The following LRRK1 variants were observed in gnomAD, a reference collection of about 807,000 sequenced individuals.
LRRK1 encodes leucine rich repeat kinase 1.
Under a neutral mutation model 209.1 loss-of-function variants are expected in LRRK1, and 113 were observed. The ratio of observed to expected loss-of-function variants is 0.54; its 90% CI spans 0.46 to 0.63. The LOEUF is 0.63. Among genes scored for constraint, LRRK1 ranks in the 30% least tolerant of loss-of-function variants. LRRK1 has a pLI of 0.00. For missense variants in LRRK1, 2,284 were observed against 2,632.2 expected (o/e 0.87, Z 2.89); for synonymous variants, 1,144 against 1,099.7 (o/e 1.04, Z -0.80).
intron 3 of LRRK1, chr15:100,974,197 G>T (rs2141654172): frequency 2.6e-6 from 1 of 388,256 alleles, no homozygotes; most frequent in East Asian, 3.7e-5. Flanking sequence ...GGCCTTTGAG[G>T]GACGGGGGTG....
chr15:100,921,026 C>T (rs773456807), intron 1 of LRRK1, among the ~76,000 whole-genome samples: 5 of 152,174 alleles, frequency 3.3e-5, no homozygotes, highest in South Asian at 4.1e-4. Context: ...TGAAAACCCA[C>T]GCTCCCTCTC....
At chr15:101,032,145 C>T (rs1236118567) in intron 20 of LRRK1, among the ~76,000 whole-genome samples, 4 of 152,150 alleles carry the variant, frequency 2.6e-5, no homozygotes, top group Admixed American at 6.5e-5. Flanking sequence ...CTAATGAGGT[C>T]TAGCACCTTT....
intron 12 of LRRK1, among the ~76,000 whole-genome samples, chr15:101,018,061 A>AT (rs532685445): frequency 3.3e-4 from 50 of 152,298 alleles, no homozygotes; most frequent in African/African-American, 1.2e-3. Flanking sequence ...TTCAGTGGGA[A>AT]GCATCATAAA....
chr15:101,062,373 C>T, intron 30 of LRRK1: 1 of 499,626 alleles, frequency 2.0e-6, no homozygotes, highest in Non-Finnish European at 3.6e-6. Context: ...TTTCTGTTTC[C>T]TCTTTAGACT....
chr15:101,075,046 A>C lies in LRRK1; in HGVS notation c.*6198A>C. On this transcript the variant is annotated 3_prime_UTR_variant, in exon 34 of 34. Transcript: ENST00000388948. ...CCCGATCACCTCGGAAGCCCCCTAG[A>C]CCATCACGGACGCCGAGCTGCCAGT... The C allele has an allele frequency of 1.1e-5, 1 of 93,488 alleles. No homozygotes were observed. The highest frequency in any genetic ancestry group is 2.4e-5 in the Non-Finnish European group (1 of 41,868). The allele number at this position is 93,488 out of a possible 1,614,324, so 5.8% of individuals were successfully genotyped here. A position where few individuals can be genotyped will look rare whatever the true frequency, so the allele number is the denominator to read the frequency against.
intron 19 of LRRK1, among the ~76,000 whole-genome samples, chr15:101,028,224 A>C (rs1006600259): frequency 7.2e-5 from 11 of 152,210 alleles, no homozygotes; most frequent in African/African-American, 1.4e-4. Context: ...TGGTCACCAC[A>C]TACTCACCAG....
chr15:101,053,158 T>C, intron 25 of LRRK1, 65 bp from the exon 26 acceptor site: 1 of 1,591,888 alleles, frequency 6.3e-7, no homozygotes, highest in Non-Finnish European at 8.5e-7. Context: ...CTGTGCGGCC[T>C]TAGAGAGGCC....
chr15:101,012,903 G>GA (rs1007014823), intron 10 of LRRK1, among the ~76,000 whole-genome samples: 1 of 152,052 alleles, frequency 6.6e-6, no homozygotes. Context: ...GTGCCCCCGG[G>GA]GGGGGGTGGT....
At chr15:100,963,304 C>CGAGCCCCTTATTCTGA (rs1178885957) in intron 2 of LRRK1, among the ~76,000 whole-genome samples, 3 of 152,172 alleles carry the variant, frequency 2.0e-5, no homozygotes, top group Non-Finnish European at 4.4e-5. Flanking sequence ...TCTGAAGCAC[C>CGAGCCCCTTATTCTGA]AGCAGGTATT....
intron 3 of LRRK1, among the ~76,000 whole-genome samples, chr15:100,974,435 GGTT>G (rs1484633349): frequency 4.1e-5 from 2 of 48,982 alleles, no homozygotes; most frequent in Admixed American, 2.3e-4. Flanking sequence ...GAGCATACAT[GGTT>G]GTTGTTGTTG....
In LRRK1 at chr15:100,938,507, A is replaced by G. The variant is rs552495295; in HGVS notation, c.97+13778A>G. On this transcript the variant is annotated intron_variant, in intron 2 of 33. Coordinates refer to ENST00000388948, the MANE Select transcript of LRRK1 (RefSeq NM_024652.6). ...CTATTGTTAACTCGATTCCCCCTCC[A>G]GTGCTCTGGTGCACTGGAACTTACT... is the stretch of plus-strand genomic sequence containing the variant. Among the ~76,000 whole-genome samples, 9 of 152,150 alleles carry G rather than the reference A, an allele frequency of 5.9e-5. No individual in the cohort carries two copies. The East Asian group carries it at 1.7e-3, about 29-fold the overall frequency.
At chr15:100,955,930 G>A (rs760966701) in intron 2 of LRRK1, among the ~76,000 whole-genome samples, 2 of 152,134 alleles carry the variant, frequency 1.3e-5, no homozygotes, top group East Asian at 1.9e-4. Context: ...GTTCAGCAGG[G>A]ATATTGGTCT....
At chr15:100,931,868 A>G (rs2042218634) in intron 2 of LRRK1, among the ~76,000 whole-genome samples, 1 of 152,228 alleles carries the variant, frequency 6.6e-6, no homozygotes, top group South Asian at 2.1e-4. Flanking sequence ...AGTTATTTAT[A>G]TGGAATTCCA....
At chr15:100,955,967 T>C (rs1401181971) in intron 2 of LRRK1, among the ~76,000 whole-genome samples, 1 of 152,202 alleles carries the variant, frequency 6.6e-6, no homozygotes, top group African/African-American at 2.4e-5. Context: ...ATGGTGTTTT[T>C]ATCTGGCTGT....
At chr15:101,042,971 T>A (rs1484384688) in intron 20 of LRRK1, among the ~76,000 whole-genome samples, 3 of 152,210 alleles carry the variant, frequency 2.0e-5, no homozygotes, top group African/African-American at 7.2e-5. Flanking sequence ...GGGTGAGACC[T>A]GCCATGATGC....
At chr15:101,048,701 C>T (rs747496379) in intron 22 of LRRK1, 44 bp downstream of exon 22, 3 of 1,461,416 alleles carry the variant, frequency 2.1e-6, no homozygotes, top group Non-Finnish European at 2.7e-6. Flanking sequence ...GCAGGTGCCA[C>T]AGCAGCCACC....
chr15:101,075,568 T>C lies in LRRK1; in HGVS notation c.*6720T>C, dbSNP rs2036955005. 7.1e-6 allele frequency: 1 copy of C among 140,830 alleles called. No homozygotes were observed. Among genetic ancestry groups the C allele is most frequent in the Non-Finnish European group, 1.5e-5 (1 of 67,300 alleles). The allele number at this position is 140,830 out of a possible 1,614,324, so 8.7% of individuals were successfully genotyped here. A position where few individuals can be genotyped will look rare whatever the true frequency, so the allele number is the denominator to read the frequency against. ...CATGCTTTGAAAAGACTAAAGCCTG[T>C]TATCACTCTCCTGCTACAGCATGGC... is the stretch of plus-strand genomic sequence containing the variant. On this transcript the variant is annotated 3_prime_UTR_variant, in exon 34 of 34. Coordinates refer to ENST00000388948, the MANE Select transcript of LRRK1 (RefSeq NM_024652.6).
Position 101,069,885 on chromosome 15 carries a change from CATGCACACACAT to C in LRRK1, c.*1050_*1061del, listed in dbSNP as rs1228433059. 4.6e-5 allele frequency: 7 copies of C among 152,404 alleles called. No individual in the cohort carries two copies. The highest frequency in any genetic ancestry group is 1.9e-4 in the East Asian group (1 of 5,184). The allele number at this position is 152,404 out of a possible 1,614,324, so 9.4% of individuals were successfully genotyped here. ...ATAAACTATGCACATGCATTACACA[CATGCACACACAT>C]ATGCACACACATGTGCAAACATAGC... is the stretch of plus-strand genomic sequence containing the variant. On this transcript the variant is annotated 3_prime_UTR_variant, in exon 34 of 34. Transcript: ENST00000388948.
At position 100,971,982 on chromosome 15, in the gene LRRK1, A is replaced by G. The variant is rs373015014; in HGVS notation, c.98-1822A>G. 7.0e-5 allele frequency among the ~76,000 whole-genome samples: 8 copies of G among 113,872 alleles called. No homozygotes were observed. In the South Asian group the frequency reaches 2.3e-3, roughly 32 times the overall value. The allele number at this position is 113,872 out of a possible 152,430, so 74.7% of individuals were successfully genotyped here. The stretch of plus-strand genomic sequence containing the variant: ...TGACAAAAGAATTTTTTTTTTTTTT[A>G]GACAGAGTTTCGCTCTGTCACCCAG... On this transcript the variant is annotated intron_variant, in intron 2 of 33. Coordinates refer to ENST00000388948, the MANE Select transcript of LRRK1 (RefSeq NM_024652.6).
Sources: allele counts gnomAD v4.1 joint callset (sites outside exome capture counted in the v4.1 genomes callset), GRCh38; gene constraint gnomAD v4.1.1; transcripts MANE v1.5; gene names NCBI Gene and HGNC (gene_info 2026-07-23, HGNC 2026-07-21).